Variants in SRSF8 observed in about 807,000 individuals in gnomAD.
The protein encoded by SRSF8 is serine and arginine rich splicing factor 8.
Under a neutral mutation model 2.0 loss-of-function variants are expected in SRSF8, and 3 were observed. The ratio of observed to expected loss-of-function variants is 1.47; its 90% CI spans 0.67 to 3.79. The LOEUF is 3.79. SRSF8 is among the 30% of genes most tolerant of loss of function. SRSF8 has a pLI of 0.02. For synonymous variants in SRSF8, 162 were observed against 170.7 expected (o/e 0.95, Z 0.40); for missense variants, 408 against 410.9 (o/e 0.99, Z 0.06).
In SRSF8 at chr11:95,067,646, C is replaced by T. The variant is rs782744266; in HGVS notation, c.420C>T (p.Ser140=). 6.2e-7 allele frequency: 1 copy of T among 1,603,238 alleles called. No individual in the cohort carries two copies. The highest frequency in any genetic ancestry group is 1.7e-5 in the Admixed American group (1 of 58,262). Residue 140 remains serine (S), a synonymous_variant, in exon 1 of 1, where the codon AGC becomes AGT. Coordinates refer to ENST00000587424, the MANE Select transcript of SRSF8 (RefSeq NM_032102.4). ...ACCGCAGCCGATCCCGGGGTCCCAG[C>T]TGCTCCAGGTCCCGCAGCCGATCTC... ...RRHRSRSRGP[S]CSRSRSRSRY...
chr11:95,067,552 C>T lies in SRSF8; in HGVS notation c.326C>T (p.Ser109Phe). 3 of 1,540,432 alleles carry T rather than the reference C, an allele frequency of 1.9e-6. No homozygotes were observed. Among genetic ancestry groups the T allele is most frequent in the Non-Finnish European group, 2.6e-6 (3 of 1,143,528 alleles). Residue 109 changes from serine (S) to phenylalanine (F), a missense_variant, in exon 1 of 1, where the codon TCC (serine) becomes TTC (phenylalanine). Physicochemically the swap from Ser to Phe is radical, Grantham distance 155. Around this residue, in one of 2 missense-constraint regions of SRSF8, gnomAD observed 346 missense variants for 316.5 expected, o/e 1.09. Transcript: ENST00000587424. ...CGCCAGGGAGAGCCACGCGGCAGGT[C>T]CAGAGGCGGCGGCTACGGACGGCGG... ...RSRQGEPRGR[S>F]RGGGYGRRSR...
chr11:95,068,521 T>C lies in SRSF8; in HGVS notation c.*446T>C, dbSNP rs1340285635. ...AAAAACCTACAAAAGGTGGTGTAAA[T>C]TAATATGGATAATTTTATTTACCTC... On this transcript the variant is annotated 3_prime_UTR_variant, in exon 1 of 1. Coordinates refer to ENST00000587424, the MANE Select transcript of SRSF8 (RefSeq NM_032102.4). 5.7e-6 allele frequency: 1 copy of C among 175,978 alleles called. No individual in the cohort carries two copies. The highest frequency in any genetic ancestry group is 5.7e-5 in the Admixed American group (1 of 17,436). 10.9% of individuals were successfully genotyped at this position (175,978 alleles called of 1,614,324 possible).
At position 95,070,836 on chromosome 11, in the gene SRSF8, T is replaced by A. The variant is rs1858727357; in HGVS notation, c.*2761T>A. 1 of 167,106 alleles carries A rather than the reference T, an allele frequency of 6.0e-6. No homozygotes were observed. Among genetic ancestry groups the A allele is most frequent in the Admixed American group, 6.5e-5 (1 of 15,278 alleles). 10.4% of individuals were successfully genotyped at this position (167,106 alleles called of 1,614,324 possible). On this transcript the variant is annotated 3_prime_UTR_variant, in exon 1 of 1. Transcript: ENST00000587424. ...AATAGATTAGAAGTAGGGAAATTAATGAAAAAGCAGAATTAAGGATGACTT... is the reference window on the plus strand; with the variant it reads ...AATAGATTAGAAGTAGGGAAATTAAAGAAAAAGCAGAATTAAGGATGACTT...
In SRSF8 at chr11:95,068,231, A is replaced by G. The variant is rs967694082; in HGVS notation, c.*156A>G. The G allele has an allele frequency of 4.0e-6, 3 of 742,916 alleles. No homozygotes were observed. In the Admixed American group the frequency reaches 8.9e-5, roughly 22 times the overall value. The allele number at this position is 742,916 out of a possible 1,614,324, so 46.0% of individuals were successfully genotyped here. On this transcript the variant is annotated 3_prime_UTR_variant, in exon 1 of 1. Coordinates refer to ENST00000587424, the MANE Select transcript of SRSF8 (RefSeq NM_032102.4). ...TTTTGCCAGTTTGAAGCTTTGCATC[A>G]GGTGGCAAAATTCATTCTATGTGCC... is the stretch of plus-strand genomic sequence containing the variant.
At position 95,067,432 on chromosome 11, in the gene SRSF8, A is replaced by G. The variant is rs1555107024; in HGVS notation, c.206A>G (p.Gln69Arg). The G allele has an allele frequency of 2.6e-6, 4 of 1,550,412 alleles. No individual in the cohort carries two copies. The highest frequency in any genetic ancestry group is 4.9e-5 in the East Asian group (2 of 40,408). The change falls in exon 1 of 1, where the codon CAA becomes CGA. Residue 69 changes from glutamine to arginine, a missense_variant. By Grantham distance (43) the Gln-to-Arg change is conservative. Around this residue, in one of 2 missense-constraint regions of SRSF8, gnomAD observed 346 missense variants for 316.5 expected, o/e 1.09. Transcript: ENST00000587424. ...FVRFHDRRDA[Q>R]DAEAAMDGAE... ...CGCTTTCACGACCGGCGCGACGCCC[A>G]AGACGCCGAGGCCGCCATGGACGGG...
rs530737080 is a variant in SRSF8, at chr11:95,067,484, G to A, written c.258G>A (p.Arg86=). ...DGAELDGREL[R]VQVARYGRRD... is the part of the protein sequence containing the mutation. ...CGGAGCTGGACGGACGCGAGCTGCGGGTGCAGGTGGCGCGCTATGGCCGCC... is the reference window on the plus strand; with the variant it reads ...CGGAGCTGGACGGACGCGAGCTGCGAGTGCAGGTGGCGCGCTATGGCCGCC... Residue 86 remains arginine (R), a synonymous_variant, in exon 1 of 1, where the codon CGG becomes CGA. Transcript: ENST00000587424. 6.6e-7 allele frequency: 1 copy of A among 1,515,618 alleles called. No homozygotes were observed. The highest frequency in any genetic ancestry group is 1.4e-5 in the African/African-American group (1 of 69,010). 93.9% of individuals were successfully genotyped at this position (1,515,618 alleles called of 1,614,324 possible).
Position 95,067,697 on chromosome 11 carries a change from GTCTCCCTACAGCCGA to G in SRSF8, c.477_491del (p.Pro164_Ser168del), listed in dbSNP as rs1365363403. ...GCTATAGGGGTTCTCGCTATAGCCG[GTCTCCCTACAGCCGA>G]TCTCCTTACAGCCGGTCGCGCTACA... On this transcript the variant is annotated inframe_deletion, in exon 1 of 1. Coordinates refer to ENST00000587424, the MANE Select transcript of SRSF8 (RefSeq NM_032102.4). 1.5e-5 allele frequency: 24 copies of G among 1,613,906 alleles called. No individual in the cohort carries two copies. The highest frequency in any genetic ancestry group is 2.0e-5 in the Non-Finnish European group (24 of 1,179,868).
chr11:95,070,495 T>C lies in SRSF8; in HGVS notation c.*2420T>C, dbSNP rs535336256. The C allele has an allele frequency of 6.0e-4, 101 of 167,200 alleles. No homozygotes were observed. Among genetic ancestry groups the C allele is most frequent in the African/African-American group, 2.4e-3 (101 of 41,528 alleles). 10.4% of individuals were successfully genotyped at this position (167,200 alleles called of 1,614,324 possible). On this transcript the variant is annotated 3_prime_UTR_variant, in exon 1 of 1. Coordinates refer to ENST00000587424, the MANE Select transcript of SRSF8 (RefSeq NM_032102.4). ...TGAAGGTGTGAACATACCCTACCTCTACTCTACATGTGGAAGACCTGACCC... is the reference window on the plus strand; with the variant it reads ...TGAAGGTGTGAACATACCCTACCTCCACTCTACATGTGGAAGACCTGACCC...
Position 95,068,135 on chromosome 11 carries a change from C to G in SRSF8, c.*60C>G. On this transcript the variant is annotated 3_prime_UTR_variant, in exon 1 of 1. Coordinates refer to ENST00000587424, the MANE Select transcript of SRSF8 (RefSeq NM_032102.4). ...ACTTGGGGGAAAAGGATCACATACT[C>G]AGTCTATGGAAGCAACGTCCCTGGA... is the stretch of plus-strand genomic sequence containing the variant. 1 of 1,496,282 alleles carries G rather than the reference C, an allele frequency of 6.7e-7. No homozygotes were observed. The highest frequency in any genetic ancestry group is 9.1e-7 in the Non-Finnish European group (1 of 1,098,388). The allele number at this position is 1,496,282 out of a possible 1,614,324, so 92.7% of individuals were successfully genotyped here. A position where few individuals can be genotyped will look rare whatever the true frequency, so the allele number is the denominator to read the frequency against.
In SRSF8 at chr11:95,070,657, T is replaced by C. The variant is rs1395578991; in HGVS notation, c.*2582T>C. The stretch of plus-strand genomic sequence containing the variant: ...ATCACTATGAGGGCTGAGTGCAGAA[T>C]GGAGTGTATGTGGTCAAGAGTGGAA... On this transcript the variant is annotated 3_prime_UTR_variant, in exon 1 of 1. Transcript: ENST00000587424. 6.0e-6 allele frequency: 1 copy of C among 167,062 alleles called. No individual in the cohort carries two copies. The highest frequency in any genetic ancestry group is 1.5e-5 in the Non-Finnish European group (1 of 68,114). 10.3% of individuals were successfully genotyped at this position (167,062 alleles called of 1,614,324 possible).
Position 95,067,507 on chromosome 11 carries a change from G to A in SRSF8, c.281G>A (p.Arg94His). The A allele has an allele frequency of 6.7e-7, 1 of 1,500,624 alleles. No individual in the cohort carries two copies. Among genetic ancestry groups the A allele is most frequent in the Non-Finnish European group, 8.9e-7 (1 of 1,128,520 alleles). The allele number at this position is 1,500,624 out of a possible 1,614,324, so 93.0% of individuals were successfully genotyped here. ...ELRVQVARYGRRDLPRSRQGE... is the reference protein window; with the variant it reads ...ELRVQVARYGHRDLPRSRQGE... ...CGGGTGCAGGTGGCGCGCTATGGCC[G>A]CCGGGACCTGCCCCGCAGCCGCCAG... The change falls in exon 1 of 1, where the codon CGC becomes CAC. Residue 94 changes from arginine to histidine, a missense_variant. This residue lies in a region of SRSF8 where 346 missense variants were observed against 316.5 expected (regional missense o/e 1.09). Transcript: ENST00000587424.
Position 95,067,872 on chromosome 11 carries a change from A to T in SRSF8, c.646A>T (p.Thr216Ser). ...SRSHSKSGSS[T>S]SSRSASTSKS... ...GTCTCACTCGAAGTCTGGGTCCTCC[A>T]CTAGCTCTCGCTCTGCATCAACCTC... The change falls in exon 1 of 1, where the codon ACT (threonine) becomes TCT (serine). Residue 216 changes from threonine (T) to serine (S), a missense_variant. Transcript: ENST00000587424. 1 of 1,613,978 alleles carries T rather than the reference A, an allele frequency of 6.2e-7. No individual in the cohort carries two copies. Among genetic ancestry groups the T allele is most frequent in the Admixed American group, 1.7e-5 (1 of 60,022 alleles).
chr11:95,067,361 C>G lies in SRSF8; in HGVS notation c.135C>G (p.Ile45Met), dbSNP rs1555106979. The change falls in exon 1 of 1, where the codon ATC becomes ATG. Residue 45 changes from isoleucine to methionine, a missense_variant. Coordinates refer to ENST00000587424, the MANE Select transcript of SRSF8 (RefSeq NM_032102.4). ...EKYGRVGDVY[I>M]PREPHTKAPR... is the part of the protein sequence containing the mutation. ...ACGGGCGCGTGGGCGACGTGTACAT[C>G]CCGCGGGAGCCCCACACCAAGGCGC... 1.9e-6 allele frequency: 3 copies of G among 1,602,058 alleles called. No individual in the cohort carries two copies. Among genetic ancestry groups the G allele is most frequent in the Non-Finnish European group, 8.5e-7 (1 of 1,176,494 alleles).
In SRSF8 at chr11:95,067,195, C is replaced by T. The variant is rs782241843; in HGVS notation, c.-32C>T. 3.0e-5 allele frequency: 43 copies of T among 1,425,898 alleles called. 1 individual carries two copies. In the South Asian group the frequency reaches 6.0e-4, roughly 20 times the overall value. 88.3% of individuals were successfully genotyped at this position (1,425,898 alleles called of 1,614,324 possible). On this transcript the variant is annotated 5_prime_UTR_variant, in exon 1 of 1. Coordinates refer to ENST00000587424, the MANE Select transcript of SRSF8 (RefSeq NM_032102.4). Reference sequence around the variant, plus strand: ...CGCACCGTCAGCGCCCAGAGCAGCGCCAGTTTCCGGGCCCGGGCTGCTCTC... The same window carrying T: ...CGCACCGTCAGCGCCCAGAGCAGCGTCAGTTTCCGGGCCCGGGCTGCTCTC...
chr11:95,067,628 C>A lies in SRSF8; in HGVS notation c.402C>A (p.Ser134Arg). The change falls in exon 1 of 1, where the codon AGC becomes AGA. Residue 134 changes from serine (S) to arginine (R), a missense_variant. Ser to Arg is a moderately radical substitution (Grantham distance 110). Coordinates refer to ENST00000587424, the MANE Select transcript of SRSF8 (RefSeq NM_032102.4). ...RSRSPRRRHR[S>R]RSRGPSCSRS... The stretch of plus-strand genomic sequence containing the variant: ...GCAGCCCCAGGCGGCGACACCGCAG[C>A]CGATCCCGGGGTCCCAGCTGCTCCA... 8 of 1,584,442 alleles carry A rather than the reference C, an allele frequency of 5.0e-6. No homozygotes were observed. Among genetic ancestry groups the A allele is most frequent in the Non-Finnish European group, 6.9e-6 (8 of 1,165,804 alleles).
In SRSF8 at chr11:95,068,362, T is replaced by G. The variant is rs1194299316; in HGVS notation, c.*287T>G. ...CAAAAATTTATTTTTATTTCTATAG[T>G]GATGACTGTTTTGGTTTGAAATGAA... On this transcript the variant is annotated 3_prime_UTR_variant, in exon 1 of 1. Transcript: ENST00000587424. 2 of 379,024 alleles carry G rather than the reference T, an allele frequency of 5.3e-6. No individual in the cohort carries two copies. The highest frequency in any genetic ancestry group is 1.0e-5 in the Non-Finnish European group (2 of 196,274). The allele number at this position is 379,024 out of a possible 1,614,324, so 23.5% of individuals were successfully genotyped here.
rs912797223 is a variant in SRSF8 at position 95,069,479 on chromosome 11, A to G, written c.*1404A>G. The G allele has an allele frequency of 2.4e-5, 4 of 166,644 alleles. No individual in the cohort carries two copies. Among genetic ancestry groups the G allele is most frequent in the African/African-American group, 9.6e-5 (4 of 41,472 alleles). 10.3% of individuals were successfully genotyped at this position (166,644 alleles called of 1,614,324 possible). ...TGACAATAGGATTACATTGGAGCCA[A>G]TTGAATAAATTTATTCTTTCAATCA... On this transcript the variant is annotated 3_prime_UTR_variant, in exon 1 of 1. Transcript: ENST00000587424.
Position 95,067,240 on chromosome 11 carries a change from GC to G in SRSF8, c.20del (p.Pro7LeufsTer7). MSCG[R>X]PPPDVDGMIT... ...GCTCTCGGAGCCATGAGCTGCGGCC[GC>G]CCCCCTCCCGACGTGGACGGCATGA... On this transcript the variant is annotated frameshift_variant, in exon 1 of 1. Transcript: ENST00000587424. LOFTEE classifies it low-confidence loss of function (END_TRUNC). 4 of 1,531,064 alleles carry G rather than the reference GC, an allele frequency of 2.6e-6. No individual in the cohort carries two copies. The highest frequency in any genetic ancestry group is 2.6e-5 in the East Asian group (1 of 37,988). The allele number at this position is 1,531,064 out of a possible 1,614,324, so 94.8% of individuals were successfully genotyped here. A position where few individuals can be genotyped will look rare whatever the true frequency, so the allele number is the denominator to read the frequency against.
At position 95,067,205 on chromosome 11, in the gene SRSF8, GGCCC is replaced by G. The variant is rs1473373374; in HGVS notation, c.-20_-17del. The G allele has an allele frequency of 6.8e-7, 1 of 1,460,328 alleles. No homozygotes were observed. Among genetic ancestry groups the G allele is most frequent in the Non-Finnish European group, 9.1e-7 (1 of 1,098,154 alleles). The allele number at this position is 1,460,328 out of a possible 1,614,324, so 90.5% of individuals were successfully genotyped here. On this transcript the variant is annotated 5_prime_UTR_variant, in exon 1 of 1. Transcript: ENST00000587424. The stretch of plus-strand genomic sequence containing the variant: ...GCGCCCAGAGCAGCGCCAGTTTCCG[GGCCC>G]GGGCTGCTCTCGGAGCCATGAGCTG...
Sources: gnomAD v4.1 joint callset for allele counts on GRCh38, gnomAD v4.1.1 for gene constraint, gnomAD v4.1.1 regional missense constraint, MANE v1.5 for transcripts, NCBI Gene and HGNC (gene_info 2026-07-23, HGNC 2026-07-21) for gene names.